Variants in CTNNA2 observed in about 807,000 individuals in gnomAD.
The protein encoded by CTNNA2 is catenin alpha-2.
CTNNA2 carries 42 observed loss-of-function variants against 101.0 expected under a neutral mutation model. The ratio of observed to expected loss-of-function variants is 0.42; its 90% CI spans 0.32 to 0.54. The LOEUF (loss-of-function observed/expected upper bound fraction) is 0.54, where lower values mean the gene tolerates loss of function less well. Ranked by LOEUF, CTNNA2 falls within the 20% of genes least tolerant of loss-of-function variation. The pLI is 0.14. For missense variants in CTNNA2, 871 were observed against 1,223.1 expected (o/e 0.71, Z 4.29); for synonymous variants, 450 against 456.4 (o/e 0.99, Z 0.18).
chr2:79,976,631 T>TA, intron 7 of CTNNA2, among the ~76,000 whole-genome samples: 1 of 152,192 alleles, frequency 6.6e-6, no homozygotes, highest in Non-Finnish European at 1.5e-5. Context: ...GGCATTACGA[T>TA]TACATTTTAA....
At chr2:80,646,815 A>C (rs1324225278) in intron 18 of CTNNA2, among the ~76,000 whole-genome samples, 1 of 152,098 alleles carries the variant, frequency 6.6e-6, no homozygotes, top group African/African-American at 2.4e-5. Flanking sequence ...AGTACAGATG[A>C]GTAGTATCTT....
At chr2:79,473,347 A>G (rs1051382720) in intron 4 of CTNNA2, among the ~76,000 whole-genome samples, 1 of 152,106 alleles carries the variant, frequency 6.6e-6, no homozygotes, top group Admixed American at 6.6e-5. Flanking sequence ...AAAAAATCAC[A>G]AATCCAAGAA....
At chr2:80,099,808 G>A (rs1700428224) in intron 7 of CTNNA2, among the ~76,000 whole-genome samples, 1 of 151,052 alleles carries the variant, frequency 6.6e-6, no homozygotes, top group African/African-American at 2.4e-5. Flanking sequence ...ACCTGCTACA[G>A]ATTCACGGGG....
chr2:80,407,184 G>T (rs775279641), intron 8 of CTNNA2, among the ~76,000 whole-genome samples: 8 of 151,814 alleles, frequency 5.3e-5, no homozygotes, highest in Non-Finnish European at 1.2e-4. Flanking sequence ...ATGAGGCAGG[G>T]AAATAACAAA....
chr2:80,539,793 A>T (rs551851241), intron 9 of CTNNA2, among the ~76,000 whole-genome samples: 1 of 152,318 alleles, frequency 6.6e-6, no homozygotes, highest in African/African-American at 2.4e-5. Flanking sequence ...GAGCTCTACC[A>T]CCTATAGTCA....
At chr2:79,701,523 C>T (rs1163733369) in intron 2 of CTNNA2, among the ~76,000 whole-genome samples, 1 of 152,190 alleles carries the variant, frequency 6.6e-6, no homozygotes, top group Non-Finnish European at 1.5e-5. Flanking sequence ...AGGAGATCTA[C>T]TGGACAGCAA....
At chr2:80,422,488 A>G (rs1680622848) in intron 9 of CTNNA2, among the ~76,000 whole-genome samples, 1 of 151,962 alleles carries the variant, frequency 6.6e-6, no homozygotes, top group Admixed American at 6.6e-5. Context: ...CCTACAGTAC[A>G]ATATTGTGGT....
intron 7 of CTNNA2, among the ~76,000 whole-genome samples, chr2:80,038,161 G>A (rs1465734800): frequency 6.6e-6 from 1 of 152,150 alleles, no homozygotes; most frequent in African/African-American, 2.4e-5. Context: ...ACTCTGCCTA[G>A]TACTGTCAGC....
chr2:80,236,528 A>G (rs971781162), intron 7 of CTNNA2, among the ~76,000 whole-genome samples: 11 of 152,064 alleles, frequency 7.2e-5, no homozygotes, highest in Non-Finnish European at 1.5e-4. Context: ...AGTCCTCCCT[A>G]TCCTGCTTGC....
chr2:80,158,098 T>A (rs1026156761), intron 7 of CTNNA2, among the ~76,000 whole-genome samples: 5 of 152,202 alleles, frequency 3.3e-5, no homozygotes, highest in Non-Finnish European at 7.3e-5. Context: ...CTGCATCACT[T>A]CAGTGTGGTG....
Position 80,337,912 on chromosome 2 carries a change from C to T in CTNNA2, c.1057-55299C>T, listed in dbSNP as rs556526618. Among the ~76,000 whole-genome samples the T allele has an allele frequency of 3.9e-5, 6 of 152,184 alleles. No individual in the cohort carries two copies. In the South Asian group the frequency reaches 1.2e-3, roughly 32 times the overall value. On this transcript the variant is annotated intron_variant, in intron 7 of 18. Coordinates refer to ENST00000402739, the MANE Select transcript of CTNNA2 (RefSeq NM_001282597.3). Reference sequence around the variant, plus strand: ...AGGATAGTAGCAAGCCCAAGGCTGCCAAAGGCCTGCTCCCCAGGTGGCTTC... The same window carrying T: ...AGGATAGTAGCAAGCCCAAGGCTGCTAAAGGCCTGCTCCCCAGGTGGCTTC...
intron 3 of CTNNA2, among the ~76,000 whole-genome samples, chr2:79,323,360 A>G (rs889298835): frequency 6.6e-6 from 1 of 152,194 alleles, no homozygotes; most frequent in Admixed American, 6.5e-5. Flanking sequence ...AAATTACACT[A>G]TACATGAGGA....
intron 2 of CTNNA2, among the ~76,000 whole-genome samples, chr2:79,279,292 C>T (rs568894701): frequency 1.2e-3 from 182 of 152,058 alleles, no homozygotes; most frequent in Non-Finnish European, 2.0e-3. Flanking sequence ...GTTCAGAAGG[C>T]AGGAGTGGAT....
At chr2:79,540,295 G>A (rs1419665165) in intron 1 of CTNNA2, among the ~76,000 whole-genome samples, 2 of 152,106 alleles carry the variant, frequency 1.3e-5, no homozygotes, top group South Asian at 2.1e-4. Context: ...GACCCTCACC[G>A]TACCTTAGCT....
intron 1 of CTNNA2, among the ~76,000 whole-genome samples, chr2:79,638,118 A>G (rs984448905): frequency 6.6e-6 from 1 of 152,328 alleles, no homozygotes; most frequent in Non-Finnish European, 1.5e-5. Flanking sequence ...AATTATAATA[A>G]ACTTCGGCCA....
intron 12 of CTNNA2, among the ~76,000 whole-genome samples, chr2:80,564,278 A>G (rs1211634567): frequency 6.6e-6 from 1 of 152,262 alleles, no homozygotes; most frequent in Non-Finnish European, 1.5e-5. Context: ...TAAATAAGGC[A>G]TCATGCTCAT....
intron 4 of CTNNA2, among the ~76,000 whole-genome samples, chr2:79,484,438 T>C (rs1364907389): frequency 6.6e-6 from 1 of 152,100 alleles, no homozygotes; most frequent in Non-Finnish European, 1.5e-5. Context: ...CCTACACATA[T>C]AGGTGGAAAC....
chr2:79,206,311 A>G (rs1395257798), intron 2 of CTNNA2, among the ~76,000 whole-genome samples: 1 of 152,024 alleles, frequency 6.6e-6, no homozygotes, highest in Non-Finnish European at 1.5e-5. Flanking sequence ...GAACCTGACT[A>G]GTACCTTTAA....
chr2:79,242,682 A>C (rs974027850), intron 2 of CTNNA2, among the ~76,000 whole-genome samples: 2 of 152,130 alleles, frequency 1.3e-5, no homozygotes, highest in African/African-American at 4.8e-5. Context: ...ATATGTTAAT[A>C]TTAGGCCAAG....
Sources: allele counts gnomAD v4.1 joint callset (sites outside exome capture counted in the v4.1 genomes callset), GRCh38; gene constraint gnomAD v4.1.1; transcripts MANE v1.5; gene names NCBI Gene and HGNC (gene_info 2026-07-23, HGNC 2026-07-21).